Variants in SCN9A observed in about 807,000 individuals in gnomAD.
The protein encoded by SCN9A is sodium channel protein type 9 subunit alpha.
SCN9A carries 131 observed loss-of-function variants against 187.0 expected under a neutral mutation model. The observed-to-expected ratio is 0.70, with a 90% CI of 0.61 to 0.81. The LOEUF (loss-of-function observed/expected upper bound fraction) is 0.81. Ranked by LOEUF, SCN9A falls within the 30% of genes least tolerant of loss-of-function variation. The pLI is 0.00. For missense variants in SCN9A, 2,252 were observed against 2,396.6 expected (o/e 0.94, Z 1.26); for synonymous variants, 809 against 808.6 (o/e 1.00, Z -0.01).
At chr2:166,232,534 A>ATTAC (rs1695128012) in intron 21 of SCN9A, among the ~76,000 whole-genome samples, 1 of 152,084 alleles carries the variant, frequency 6.6e-6, no homozygotes, top group Non-Finnish European at 1.5e-5. Flanking sequence ...TAGGTCCTTG[A>ATTAC]TTACTTATGT....
chr2:166,198,971 C>A lies in SCN9A; in HGVS notation c.5668G>T (p.Asp1890Tyr), dbSNP rs1165320984. ...CGCTGAATGACAGTAGCAGACACAT[C>A]CTCTTGTTTCCGTTTTAGTGTGGTT... ...ITTTLKRKQE[D>Y]VSATVIQRAY... The change falls in exon 27 of 27, where the codon GAT becomes TAT. Residue 1890 changes from aspartate to tyrosine, a missense_variant. Asp to Tyr is a radical substitution (Grantham distance 160). Coordinates refer to ENST00000642356, the MANE Select transcript of SCN9A (RefSeq NM_001365536.1). 1.2e-6 allele frequency: 2 copies of A among 1,613,990 alleles called. No homozygotes were observed. The highest frequency in any genetic ancestry group is 1.7e-5 in the Admixed American group (1 of 60,024).
intron 7 of SCN9A, among the ~76,000 whole-genome samples, chr2:166,295,644 C>G (rs932532466): frequency 2.6e-5 from 4 of 152,130 alleles, no homozygotes; most frequent in Non-Finnish European, 5.9e-5. Flanking sequence ...ACTAAAACAT[C>G]CTTATGTGGT....
chr2:166,367,486 C>A (rs1044124417), intron 1 of SCN9A, among the ~76,000 whole-genome samples: 1 of 151,970 alleles, frequency 6.6e-6, no homozygotes, highest in African/African-American at 2.4e-5. Context: ...GGCTGGTCTC[C>A]AACTCCTGAC....
intron 18 of SCN9A, among the ~76,000 whole-genome samples, chr2:166,245,380 A>G (rs1426792207): frequency 6.6e-6 from 1 of 151,984 alleles, no homozygotes; most frequent in Non-Finnish European, 1.5e-5. Flanking sequence ...ATTTACCTAC[A>G]CATCACTAGG....
chr2:166,295,973 C>G (rs1328447437), intron 7 of SCN9A: 1 of 152,196 alleles, frequency 6.6e-6, no homozygotes, highest in Non-Finnish European at 1.5e-5. Context: ...TTTGTCATCT[C>G]TCTTAAATAT....
intron 1 of SCN9A, among the ~76,000 whole-genome samples, chr2:166,316,109 T>TA: frequency 6.6e-6 from 1 of 152,046 alleles, no homozygotes. Flanking sequence ...ATCCACAAAA[T>TA]AAAAAAAGTA....
chr2:166,253,340 A>G lies in SCN9A; in HGVS notation c.3352-1455T>C, dbSNP rs1696129279. Among the ~76,000 whole-genome samples, 6 of 151,846 alleles carry G rather than the reference A, an allele frequency of 4.0e-5. No individual in the cohort carries two copies. The South Asian group carries it at 1.2e-3, about 31-fold the overall frequency. On this transcript the variant is annotated intron_variant, in intron 17 of 26. Coordinates refer to ENST00000642356, the MANE Select transcript of SCN9A (RefSeq NM_001365536.1). ...TAGAGGCATTATTCCCACCAGGTCCAGGAGTTTGATAACAGTTTCAGTTAT... is the reference window on the plus strand; with the variant it reads ...TAGAGGCATTATTCCCACCAGGTCCGGGAGTTTGATAACAGTTTCAGTTAT...
Position 166,204,074 on chromosome 2 carries a change from A to G in SCN9A, c.4655T>C (p.Val1552Ala). The G allele has an allele frequency of 1.2e-6, 2 of 1,612,664 alleles. No individual in the cohort carries two copies. The highest frequency in any genetic ancestry group is 1.7e-6 in the Non-Finnish European group (2 of 1,179,054). ...HMTEVLYWIN[V>A]VFIILFTGEC... Reference sequence around the variant, plus strand: ...TCCAGTGAAAAGGATTATAAAAACCACATTTATCCAATATAAAACTTCAGT... The same window carrying G: ...TCCAGTGAAAAGGATTATAAAAACCGCATTTATCCAATATAAAACTTCAGT... The change falls in exon 26 of 27, where the codon GTG (valine) becomes GCG (alanine). Residue 1552 changes from valine to alanine, a missense_variant. Val to Ala is a moderately conservative substitution (Grantham distance 64, BLOSUM62 0). Coordinates refer to ENST00000642356, the MANE Select transcript of SCN9A (RefSeq NM_001365536.1).
At chr2:166,316,033 A>C (rs1699098651) in intron 1 of SCN9A, among the ~76,000 whole-genome samples, 1 of 152,242 alleles carries the variant, frequency 6.6e-6, no homozygotes, top group East Asian at 1.9e-4. Context: ...CCAAAGGCAA[A>C]ATCGAAAAAG....
At chr2:166,245,186 G>C (rs1368779483) in intron 18 of SCN9A, among the ~76,000 whole-genome samples, 1 of 151,874 alleles carries the variant, frequency 6.6e-6, no homozygotes, top group African/African-American at 2.4e-5. Context: ...ACATGCAAAA[G>C]TTTGGCAAAG....
chr2:166,334,624 A>G (rs577567218), intron 1 of SCN9A, among the ~76,000 whole-genome samples: 1 of 152,270 alleles, frequency 6.6e-6, no homozygotes, highest in African/African-American at 2.4e-5. Flanking sequence ...ATACGAGTAA[A>G]GGAATTTTTC....
chr2:166,324,940 G>A lies in SCN9A; in HGVS notation c.-50-13134C>T, dbSNP rs145257168. 1.3e-4 allele frequency among the ~76,000 whole-genome samples: 20 copies of A among 152,246 alleles called. No homozygotes were observed. In the East Asian group the frequency reaches 3.9e-3, roughly 29 times the overall value. ...AAAAGGAAATTAGTGAAAAACTAAG[G>A]AACTCTGAATAGGGTAAGGGCATTT... On this transcript the variant is annotated intron_variant, in intron 1 of 26. Transcript: ENST00000642356.
chr2:166,313,455 A>G (rs373841126), intron 1 of SCN9A, among the ~76,000 whole-genome samples: 251 of 152,190 alleles, frequency 1.6e-3, no homozygotes, highest in Non-Finnish European at 3.0e-3. Flanking sequence ...TTGCTGTTTC[A>G]CCTTGCATTT....
chr2:166,247,769 C>T (rs188322092), intron 18 of SCN9A, among the ~76,000 whole-genome samples: 1,892 of 152,192 alleles, frequency 0.012, 27 homozygotes, highest in Non-Finnish European at 0.017. Context: ...GGTTATTTTT[C>T]GCTAACTCTA....
chr2:166,311,712 G>A lies in SCN9A; in HGVS notation c.45C>T (p.Phe15=). Residue 15 remains phenylalanine, a synonymous_variant, in exon 2 of 27, where the codon TTC becomes TTT. Coordinates refer to ENST00000642356, the MANE Select transcript of SCN9A (RefSeq NM_001365536.1). The stretch of plus-strand genomic sequence containing the variant: ...CAATGAGGGCAAGAGACTGTTTTGT[G>A]AAATGGACAAAGCTCTGAGGTCCTG... ...PPPGPQSFVH[F]TKQSLALIEQ... 2 of 1,611,652 alleles carry A rather than the reference G, an allele frequency of 1.2e-6. No individual in the cohort carries two copies. The highest frequency in any genetic ancestry group is 2.2e-5 in the South Asian group (2 of 90,862).
intron 26 of SCN9A, among the ~76,000 whole-genome samples, chr2:166,200,155 G>C (rs13413783): frequency 6.8e-6 from 1 of 147,846 alleles, no homozygotes; most frequent in Admixed American, 6.7e-5. Context: ...CCGCTACCAC[G>C]CCCGGCTAAT....
At chr2:166,306,173 T>G (rs79221441) in intron 4 of SCN9A, among the ~76,000 whole-genome samples, 2,212 of 152,198 alleles carry the variant, frequency 0.015, 117 homozygotes, top group East Asian at 0.11. Flanking sequence ...GCCTAAAAAT[T>G]TCCTACATTG....
intron 24 of SCN9A, among the ~76,000 whole-genome samples, chr2:166,219,097 G>T (rs1382565399): frequency 1.3e-5 from 2 of 152,130 alleles, no homozygotes; most frequent in Non-Finnish European, 2.9e-5. Flanking sequence ...GAGAAAAAAA[G>T]AATGCCTACA....
intron 23 of SCN9A, 75 bp downstream of exon 23, chr2:166,227,593 TTA>T: frequency 1.2e-6 from 1 of 849,844 alleles, no homozygotes; most frequent in Non-Finnish European, 2.0e-6. Flanking sequence ...CTTCATGAAG[TTA>T]TAGTTTGGAA....
Sources: gnomAD v4.1 joint callset for allele counts (sites outside exome capture counted in the v4.1 genomes callset) on GRCh38, gnomAD v4.1.1 for gene constraint, MANE v1.5 for transcripts, NCBI Gene and HGNC (gene_info 2026-07-23, HGNC 2026-07-21) for gene names.